ANKRD24: variants seen among roughly 807,000 people sequenced by gnomAD.
ANKRD24 encodes ankyrin repeat domain 24.
Under a neutral mutation model 127.8 loss-of-function variants are expected in ANKRD24, and 109 were observed. That is an observed-to-expected ratio of 0.85 (90% CI 0.73 to 1.00). The LOEUF (loss-of-function observed/expected upper bound fraction) is 1.00, where lower values mean the gene tolerates loss of function less well. ANKRD24 is among the 50% of genes least tolerant of loss of function. The pLI is 0.00. For synonymous variants in ANKRD24, 743 were observed against 671.1 expected (o/e 1.11, Z -1.66); for missense variants, 1,648 against 1,570.2 (o/e 1.05, Z -0.84).
intron 2 of ANKRD24, among the ~76,000 whole-genome samples, chr19:4,194,749 C>G (rs553789523): frequency 6.6e-6 from 1 of 152,242 alleles, no homozygotes; most frequent in South Asian, 2.1e-4. Flanking sequence ...ATCCCAGAGG[C>G]AGAACCTGCA....
rs74172628 is a variant in ANKRD24 at position 4,193,868 on chromosome 19, G to T, written c.37-5815G>T. On this transcript the variant is annotated intron_variant, in intron 2 of 21. Coordinates refer to ENST00000318934, the MANE Select transcript of ANKRD24 (RefSeq NM_001393985.1). ...GGGAGGAAGGAAGGAAGGAAGGAAG[G>T]AAGGAAGGAAGGAAGGAAGGAAGGA... Among the ~76,000 whole-genome samples, 101 of 144,282 alleles carry T rather than the reference G, an allele frequency of 7.0e-4. 2 individuals carry two copies. Among genetic ancestry groups the T allele is most frequent in the South Asian group, 1.9e-3 (8 of 4,292 alleles). 94.7% of individuals were successfully genotyped at this position (144,282 alleles called of 152,430 possible).
chr19:4,198,132 C>T lies in ANKRD24; in HGVS notation c.37-1551C>T, dbSNP rs953916008. ...AGGTGGAGATGGACGCCCGCGGGTC[C>T]CCTGGAGATGCAGCCGGCGGCCTGC... On this transcript the variant is annotated intron_variant, in intron 2 of 21. Coordinates refer to ENST00000318934, the MANE Select transcript of ANKRD24 (RefSeq NM_001393985.1). This position sits in a 1 kb window ranked among gnomAD's most constrained non-coding sequence, Gnocchi z 6.1. 7.8e-6 allele frequency: 4 copies of T among 512,562 alleles called. No individual in the cohort carries two copies. Among genetic ancestry groups the T allele is most frequent in the Non-Finnish European group, 1.4e-5 (4 of 291,950 alleles). 31.8% of individuals were successfully genotyped at this position (512,562 alleles called of 1,614,324 possible). A position where few individuals can be genotyped will look rare whatever the true frequency, so the allele number is the denominator to read the frequency against.
chr19:4,207,959 C>G lies in ANKRD24; in HGVS notation c.823C>G (p.Pro275Ala). The G allele has an allele frequency of 1.3e-6, 2 of 1,503,800 alleles. No individual in the cohort carries two copies. Among genetic ancestry groups the G allele is most frequent in the Non-Finnish European group, 1.8e-6 (2 of 1,128,882 alleles). 93.2% of individuals were successfully genotyped at this position (1,503,800 alleles called of 1,614,324 possible). Residue 275 changes from proline to alanine, a missense_variant, in exon 10 of 22, where the codon CCA becomes GCA. Transcript: ENST00000318934. ...GCAAGAGGCGGCCCAGCGCCCCTCC[C>G]CACCCAGCGGTATGCAAGCCCCACC... Reference protein sequence around the residue: ...LLQEAAQRPSPPSALTEDDSG... With the variant: ...LLQEAAQRPSAPSALTEDDSG...
At chr19:4,197,673 A>G (rs1336820311) in intron 2 of ANKRD24, among the ~76,000 whole-genome samples, 2 of 152,072 alleles carry the variant, frequency 1.3e-5, no homozygotes, top group Non-Finnish European at 2.9e-5. Flanking sequence ...GAATGAATGA[A>G]TGGGTGAGCC....
intron 17 of ANKRD24, 31 bp from the exon 18 acceptor site, chr19:4,216,519 C>A (rs781167514): frequency 6.3e-7 from 1 of 1,577,902 alleles, no homozygotes; most frequent in Non-Finnish European, 8.6e-7. Context: ...TCAACTCCTG[C>A]CAGACTCCTG....
chr19:4,211,590 G>A (rs1481555768), intron 13 of ANKRD24, among the ~76,000 whole-genome samples: 3 of 152,058 alleles, frequency 2.0e-5, no homozygotes. Flanking sequence ...GTTGCAGTGA[G>A]CCAAGATCAC....
rs1970505481 is a variant in ANKRD24 at position 4,222,708 on chromosome 19, A to T, written c.3210A>T (p.Glu1070Asp). Residue 1070 changes from glutamate to aspartate, a missense_variant, in exon 20 of 22, where the codon GAA (glutamate) becomes GAT (aspartate). Glu to Asp is a conservative substitution (Grantham distance 45). Transcript: ENST00000318934. ...ELSKEVFNLK[E>D]ALKEQPAALA... ...CCAAAGAAGTCTTCAATCTTAAGGA[A>T]GCCTTGAAGGAGCAGCCGGCCGCCC... The T allele has an allele frequency of 6.2e-7, 1 of 1,612,282 alleles. No individual in the cohort carries two copies. Among genetic ancestry groups the T allele is most frequent in the African/African-American group, 1.3e-5 (1 of 74,886 alleles).
rs1237651134 is a variant in ANKRD24 at position 4,216,381 on chromosome 19, G to A, written c.1368G>A (p.Gln456=). The A allele has an allele frequency of 1.3e-6, 2 of 1,571,864 alleles. No individual in the cohort carries two copies. Among genetic ancestry groups the A allele is most frequent in the African/African-American group, 1.4e-5 (1 of 73,860 alleles). The change falls in exon 17 of 22, where the codon CAG becomes CAA. Residue 456 remains glutamine, a synonymous_variant. Coordinates refer to ENST00000318934, the MANE Select transcript of ANKRD24 (RefSeq NM_001393985.1). ...TGGCTGTGCTCACCAGACAGAACCA[G>A]GAACTGATGGAGAAGGTCCAGGTAG... ...EQVAVLTRQN[Q]ELMEKVQILE...
rs891648095 is a variant in ANKRD24, at chr19:4,189,544, G to A, written c.36+3083G>A. On this transcript the variant is annotated intron_variant, in intron 2 of 21. Coordinates refer to ENST00000318934, the MANE Select transcript of ANKRD24 (RefSeq NM_001393985.1). ...TGCCATTATAGGCATGAGCCACCAT[G>A]CCCGGCCCTAAGTTTTTTTTTTTAA... 7.7e-5 allele frequency among the ~76,000 whole-genome samples: 11 copies of A among 143,706 alleles called. No homozygotes were observed. The South Asian group carries it at 1.2e-3, about 16-fold the overall frequency. 94.3% of individuals were successfully genotyped at this position (143,706 alleles called of 152,430 possible).
In ANKRD24 at chr19:4,213,486, C is replaced by T. The variant is rs546897816; in HGVS notation, c.1197+788C>T. ...TTTTTTTTTTTTTTGGACAGAGTCT[C>T]GCTCTGTCACCCAGGCTGGGATGCA... On this transcript the variant is annotated intron_variant, in intron 15 of 21. Coordinates refer to ENST00000318934, the MANE Select transcript of ANKRD24 (RefSeq NM_001393985.1). Among the ~76,000 whole-genome samples the T allele has an allele frequency of 8.0e-5, 10 of 124,490 alleles. 1 individual carries two copies. Among genetic ancestry groups the T allele is most frequent in the South Asian group, 5.9e-4 (2 of 3,376 alleles). The allele number at this position is 124,490 out of a possible 152,430, so 81.7% of individuals were successfully genotyped here. A position where few individuals can be genotyped will look rare whatever the true frequency, so the allele number is the denominator to read the frequency against.
Position 4,217,798 on chromosome 19 carries a change from G to A in ANKRD24, c.2638G>A (p.Ala880Thr), listed in dbSNP as rs1216942333. Residue 880 changes from alanine to threonine, a missense_variant, in exon 18 of 22, where the codon GCC (alanine) becomes ACC (threonine). By Grantham distance (58) the Ala-to-Thr change is moderately conservative (BLOSUM62 0). Transcript: ENST00000318934. The stretch of plus-strand genomic sequence containing the variant: ...CGCGGAACTGGGCCGGGCACGGGAC[G>A]CCGCTGAGGCCCGAGTGGCTGAGCT... ...AAAELGRARD[A>T]AEARVAELPA... is the part of the protein sequence containing the mutation. 2 of 1,346,524 alleles carry A rather than the reference G, an allele frequency of 1.5e-6. No individual in the cohort carries two copies. The allele number at this position is 1,346,524 out of a possible 1,614,324, so 83.4% of individuals were successfully genotyped here.
rs905600245 is a variant in ANKRD24, at chr19:4,217,864, C to G, written c.2704C>G (p.Leu902Val). ...CEEARQGLAE[L>V]REASEALRQS... is the part of the protein sequence containing the mutation. ...GGAGGCGCGGCAGGGCCTGGCCGAG[C>G]TGCGGGAGGCCTCCGAGGCCCTCCG... The change falls in exon 18 of 22, where the codon CTG (leucine) becomes GTG (valine). Residue 902 changes from leucine to valine, a missense_variant. Physicochemically the swap from Leu to Val is conservative, Grantham distance 32. Coordinates refer to ENST00000318934, the MANE Select transcript of ANKRD24 (RefSeq NM_001393985.1). 5 of 1,456,970 alleles carry G rather than the reference C, an allele frequency of 3.4e-6. No individual in the cohort carries two copies. Among genetic ancestry groups the G allele is most frequent in the Non-Finnish European group, 3.6e-6 (4 of 1,111,326 alleles). 90.3% of individuals were successfully genotyped at this position (1,456,970 alleles called of 1,614,324 possible).
In ANKRD24 at chr19:4,218,075, G is replaced by T; in HGVS notation, c.2915G>T (p.Gly972Val). 1 of 1,554,326 alleles carries T rather than the reference G, an allele frequency of 6.4e-7. No individual in the cohort carries two copies. The highest frequency in any genetic ancestry group is 8.7e-7 in the Non-Finnish European group (1 of 1,153,462). The change falls in exon 18 of 22, where the codon GGC becomes GTC. Residue 972 changes from glycine (G) to valine (V), a missense_variant. Gly to Val is a moderately radical substitution (Grantham distance 109). Coordinates refer to ENST00000318934, the MANE Select transcript of ANKRD24 (RefSeq NM_001393985.1). ...VALSEHERIV[G>V]TLQANVAQLE... ...CTCTCGGAGCACGAACGCATCGTGG[G>T]CACCCTGCAGGCCAACGTGGCCCAG...
chr19:4,185,244 G>T (rs1445219867), intron 1 of ANKRD24, among the ~76,000 whole-genome samples: 1 of 151,944 alleles, frequency 6.6e-6, no homozygotes, highest in Admixed American at 6.6e-5. Context: ...TGGATGTGTG[G>T]GTGAAATCTG....
chr19:4,210,896 C>T (rs1188849048), intron 13 of ANKRD24, among the ~76,000 whole-genome samples: 1 of 151,668 alleles, frequency 6.6e-6, no homozygotes, highest in Non-Finnish European at 1.5e-5. Context: ...TGCAATGGTA[C>T]GATCTCGGCT....
intron 2 of ANKRD24, among the ~76,000 whole-genome samples, chr19:4,186,778 C>T (rs1368939981): frequency 6.6e-6 from 1 of 152,182 alleles, no homozygotes; most frequent in African/African-American, 2.4e-5. Flanking sequence ...ACAGTAACCC[C>T]TTGCTTTTCC....
At chr19:4,205,517 G>A (rs779210687) in intron 7 of ANKRD24, among the ~76,000 whole-genome samples, 1 of 152,120 alleles carries the variant, frequency 6.6e-6, no homozygotes, top group Non-Finnish European at 1.5e-5. Context: ...TTCCACTCTG[G>A]TCCTGGGCAA....
At chr19:4,216,164 G>GT (rs138190701) in intron 16 of ANKRD24, 114 bp downstream of exon 16, 186,238 of 1,392,048 alleles carry the variant, frequency 0.13, 13,922 homozygotes, top group African/African-American at 0.16. Context: ...GTACTCATCC[G>GT]TTTTTTAAAT....
At chr19:4,191,346 G>A (rs559407147) in intron 2 of ANKRD24, among the ~76,000 whole-genome samples, 1 of 152,214 alleles carries the variant, frequency 6.6e-6, no homozygotes, top group African/African-American at 2.4e-5. Flanking sequence ...GGGACCTTGT[G>A]TTCCGTGTCT....
Sources: allele counts gnomAD v4.1 joint callset (sites outside exome capture counted in the v4.1 genomes callset), GRCh38; gene constraint gnomAD v4.1.1; non-coding constraint Gnocchi (gnomAD v3.1); transcripts MANE v1.5; gene names NCBI Gene and HGNC (gene_info 2026-07-23, HGNC 2026-07-21).